ADAMTS6: variants seen among roughly 807,000 people sequenced by gnomAD.
The protein encoded by ADAMTS6 is ADAM metallopeptidase with thrombospondin type 1 motif 6.
A neutral mutation model predicts 144.3 loss-of-function variants in ADAMTS6; 23 were observed. The observed-to-expected ratio is 0.16, with a 90% CI of 0.11 to 0.23. The LOEUF (loss-of-function observed/expected upper bound fraction) is 0.23. ADAMTS6 is among the 10% of genes least tolerant of loss of function. The pLI, the probability that ADAMTS6 is intolerant of heterozygous loss-of-function variation, is 1.00. For synonymous variants in ADAMTS6, 444 were observed against 457.5 expected (o/e 0.97, Z 0.38); for missense variants, 999 against 1,379.6 (o/e 0.72, Z 4.37).
chr5:65,251,380 G>C (rs1453799376), intron 14 of ADAMTS6: 1 of 152,352 alleles, frequency 6.6e-6, no homozygotes, highest in Non-Finnish European at 1.5e-5. Context: ...GTTCCAGAAG[G>C]CCATGTCTAT....
intron 6 of ADAMTS6, among the ~76,000 whole-genome samples, chr5:65,451,856 C>A (rs1392431080): frequency 6.6e-6 from 1 of 152,078 alleles, no homozygotes; most frequent in Non-Finnish European, 1.5e-5. Flanking sequence ...ATTATCAACA[C>A]AAAAACTAAT....
At chr5:65,352,185 A>T (rs953836997) in intron 7 of ADAMTS6, among the ~76,000 whole-genome samples, 1 of 152,212 alleles carries the variant, frequency 6.6e-6, no homozygotes, top group East Asian at 1.9e-4. Context: ...TGATAAAATA[A>T]GAAAAAAGGT....
intron 20 of ADAMTS6, among the ~76,000 whole-genome samples, chr5:65,211,708 T>G (rs774807473): frequency 1.1e-4 from 17 of 152,194 alleles, no homozygotes; most frequent in Non-Finnish European, 1.9e-4. Flanking sequence ...TGATACTGTT[T>G]TTCCTTGGCA....
At chr5:65,453,250 CATTTAAAGTT>C (rs1189416101) in intron 4 of ADAMTS6, among the ~76,000 whole-genome samples, 1 of 152,018 alleles carries the variant, frequency 6.6e-6, no homozygotes, top group African/African-American at 2.4e-5. Flanking sequence ...TTTAAAGAGC[CATTTAAAGTT>C]ATTTAAAAAG....
At chr5:65,239,470 T>C (rs1758982851) in intron 15 of ADAMTS6, among the ~76,000 whole-genome samples, 1 of 152,046 alleles carries the variant, frequency 6.6e-6, no homozygotes, top group Admixed American at 6.6e-5. Context: ...AGAAAACATA[T>C]GAAAATATTT....
At chr5:65,347,580 A>C (rs148640393) in intron 7 of ADAMTS6, among the ~76,000 whole-genome samples, 1 of 152,108 alleles carries the variant, frequency 6.6e-6, no homozygotes, top group African/African-American at 2.4e-5. Context: ...AAGCTCCACA[A>C]CATTGATCTG....
chr5:65,324,969 A>T (rs1216634179), intron 9 of ADAMTS6, among the ~76,000 whole-genome samples: 2 of 152,204 alleles, frequency 1.3e-5, no homozygotes, highest in Non-Finnish European at 2.9e-5. Context: ...AAAAAAAGTG[A>T]ACTACTGATA....
chr5:65,380,356 G>A lies in ADAMTS6; in HGVS notation c.1074-46271C>T, dbSNP rs79225502. Among the ~76,000 whole-genome samples, 758 of 152,106 alleles carry A rather than the reference G, an allele frequency of 5.0e-3. 4 individuals are homozygous for A. The highest frequency in any genetic ancestry group is 0.018 in the African/African-American group (726 of 41,478). The stretch of plus-strand genomic sequence containing the variant: ...GGAGGCCAAGGTAGGCAGATCACTC[G>A]AGGTCAGTATTTTGAGGCCGGCCTG... On this transcript the variant is annotated intron_variant, in intron 7 of 24. Coordinates refer to ENST00000381055, the MANE Select transcript of ADAMTS6 (RefSeq NM_197941.4).
chr5:65,419,726 AGGTCAAACACAAAAG>A (rs1269451218), intron 7 of ADAMTS6, among the ~76,000 whole-genome samples: 1 of 152,244 alleles, frequency 6.6e-6, no homozygotes, highest in African/African-American at 2.4e-5. Flanking sequence ...TACAAGAAAG[AGGTCAAACACAAAAG>A]GCCACATATT....
intron 7 of ADAMTS6, among the ~76,000 whole-genome samples, chr5:65,409,540 C>A (rs995061796): frequency 1.3e-5 from 2 of 152,062 alleles, no homozygotes; most frequent in Non-Finnish European, 2.9e-5. Flanking sequence ...CAGGACCAGA[C>A]AGATTCACAG....
At chr5:65,204,959 TA>T (rs1252259060) in intron 20 of ADAMTS6, among the ~76,000 whole-genome samples, 1 of 152,242 alleles carries the variant, frequency 6.6e-6, no homozygotes, top group Non-Finnish European at 1.5e-5. Flanking sequence ...TGCTTTTAAC[TA>T]TTCAAACTAA....
At chr5:65,439,256 T>C (rs1399049082) in intron 7 of ADAMTS6, among the ~76,000 whole-genome samples, 3 of 151,976 alleles carry the variant, frequency 2.0e-5, no homozygotes, top group Non-Finnish European at 4.4e-5. Flanking sequence ...GATGCCAAAA[T>C]TGGAGGGTAA....
chr5:65,409,209 G>T (rs1754840019), intron 7 of ADAMTS6, among the ~76,000 whole-genome samples: 2 of 151,370 alleles, frequency 1.3e-5, no homozygotes, highest in Non-Finnish European at 2.9e-5. Flanking sequence ...ATGAATTCAG[G>T]AGCTGGTTTT....
At chr5:65,255,778 A>T (rs960197216) in intron 14 of ADAMTS6, among the ~76,000 whole-genome samples, 1 of 152,200 alleles carries the variant, frequency 6.6e-6, no homozygotes, top group Non-Finnish European at 1.5e-5. Context: ...GCAATTAAAA[A>T]AAATTTTGTC....
At chr5:65,189,646 T>C (rs1754889437) in intron 21 of ADAMTS6, among the ~76,000 whole-genome samples, 1 of 152,218 alleles carries the variant, frequency 6.6e-6, no homozygotes, top group Non-Finnish European at 1.5e-5. Context: ...TGTATTTCAT[T>C]TATTAAATAT....
At chr5:65,180,507 C>T (rs192899122) in intron 22 of ADAMTS6, among the ~76,000 whole-genome samples, 107 of 152,252 alleles carry the variant, frequency 7.0e-4, no homozygotes, top group African/African-American at 2.6e-3. Context: ...CAAAATCTGT[C>T]TCACACCTGT....
chr5:65,265,004 T>C (rs1306675297), intron 12 of ADAMTS6, among the ~76,000 whole-genome samples: 1 of 152,088 alleles, frequency 6.6e-6, no homozygotes. Flanking sequence ...ATTTGTTTCC[T>C]AGTAGATGGT....
At chr5:65,306,914 T>C (rs951521909) in intron 9 of ADAMTS6, among the ~76,000 whole-genome samples, 1 of 152,234 alleles carries the variant, frequency 6.6e-6, no homozygotes, top group East Asian at 1.9e-4. Context: ...TTCTTGAAAC[T>C]GGACTGTGTC....
intron 5 of ADAMTS6, among the ~76,000 whole-genome samples, chr5:65,452,437 T>C (rs988131889): frequency 1.3e-5 from 2 of 148,334 alleles, no homozygotes; most frequent in South Asian, 4.3e-4. Context: ...GCATGGAAAT[T>C]AGAGGGTGAG....
Sources: gnomAD v4.1 joint callset for allele counts (sites outside exome capture counted in the v4.1 genomes callset) on GRCh38, gnomAD v4.1.1 for gene constraint, MANE v1.5 for transcripts, NCBI Gene and HGNC (gene_info 2026-07-23, HGNC 2026-07-21) for gene names.